The following DTD1 variants were observed in gnomAD, a reference collection of about 807,000 sequenced individuals.
DTD1 encodes the protein D-aminoacyl-tRNA deacylase 1, also known as D-tyrosyl-tRNA deacylase 1 homolog.
Under a neutral mutation model 25.6 loss-of-function variants are expected in DTD1, and 13 were observed. The ratio of observed to expected loss-of-function variants is 0.51; its 90% CI spans 0.33 to 0.81. The LOEUF (loss-of-function observed/expected upper bound fraction) is 0.81, where lower values mean the gene tolerates loss of function less well. Ranked by LOEUF, DTD1 falls within the 30% of genes least tolerant of loss-of-function variation. The probability of loss-of-function intolerance (pLI) is 0.02; values close to 1 mark genes in which losing one functional copy is unlikely to be tolerated. For missense variants in DTD1, 193 were observed against 266.4 expected, an observed-to-expected ratio of 0.72 and a Z score of 1.92; for synonymous variants, 110 against 103.6, an observed-to-expected ratio of 1.06 and a Z score of -0.37.
At chr20:18,675,236 T>C (rs369584374) in intron 4 of DTD1, 1 of 152,220 alleles carries the variant, frequency 6.6e-6, no homozygotes, top group African/African-American at 2.4e-5. Context: ...TGGACTGGTT[T>C]CCCCCAGAGC....
intron 4 of DTD1, among the ~76,000 whole-genome samples, chr20:18,704,723 A>G (rs970133709): frequency 2.0e-5 from 3 of 152,188 alleles, no homozygotes; most frequent in African/African-American, 7.2e-5. Context: ...TTGCTACTCA[A>G]CATCCTAAAA....
At chr20:18,606,930 A>T (rs6136430) in intron 3 of DTD1, among the ~76,000 whole-genome samples, 47,464 of 151,130 alleles carry the variant, frequency 0.31, 8,002 homozygotes, top group Non-Finnish European at 0.38. Flanking sequence ...AGTATAATAA[A>T]AAAAAAAAAG....
chr20:18,687,181 A>G (rs11907863), intron 4 of DTD1, among the ~76,000 whole-genome samples: 1,892 of 152,280 alleles, frequency 0.012, 26 homozygotes, highest in African/African-American at 0.016. Context: ...CCAGGGGGCA[A>G]TCATGCAGAG....
chr20:18,612,900 C>T (rs1057378227), intron 3 of DTD1, among the ~76,000 whole-genome samples: 1 of 152,190 alleles, frequency 6.6e-6, no homozygotes, highest in Non-Finnish European at 1.5e-5. Context: ...CTCAAGTGAT[C>T]TGCACACTTC....
chr20:18,652,888 A>G (rs533729821), intron 4 of DTD1, among the ~76,000 whole-genome samples: 1 of 152,292 alleles, frequency 6.6e-6, no homozygotes, highest in South Asian at 2.1e-4. Flanking sequence ...TGAATTTAGA[A>G]CAGAATGATG....
intron 3 of DTD1, among the ~76,000 whole-genome samples, chr20:18,607,418 C>G (rs1025572593): frequency 1.3e-5 from 2 of 152,124 alleles, no homozygotes; most frequent in African/African-American, 4.8e-5. Flanking sequence ...GTCTAGGCCC[C>G]AAAGTGCTGG....
intron 4 of DTD1, among the ~76,000 whole-genome samples, chr20:18,725,390 G>A (rs2061219531): frequency 6.6e-6 from 1 of 152,206 alleles, no homozygotes; most frequent in Non-Finnish European, 1.5e-5. Context: ...CAAGTCTTGA[G>A]TCGAGTCCCA....
chr20:18,676,860 C>T (rs922655963), intron 4 of DTD1, among the ~76,000 whole-genome samples: 8 of 152,126 alleles, frequency 5.3e-5, no homozygotes, highest in Admixed American at 1.3e-4. Flanking sequence ...GAGTAATTCT[C>T]GTTCGCCCTT....
At chr20:18,759,794 TG>T (rs2061354126) in intron 5 of DTD1, among the ~76,000 whole-genome samples, 1 of 152,228 alleles carries the variant, frequency 6.6e-6, no homozygotes, top group Admixed American at 6.5e-5. Context: ...CTTGCTAGAT[TG>T]GGGAAGTTCT....
intron 2 of DTD1, among the ~76,000 whole-genome samples, chr20:18,594,402 C>G (rs980830027): frequency 6.6e-6 from 1 of 152,138 alleles, no homozygotes; most frequent in African/African-American, 2.4e-5. Flanking sequence ...GATGGGCAAA[C>G]TCGACTATAG....
intron 4 of DTD1, among the ~76,000 whole-genome samples, chr20:18,681,302 A>G (rs11908498): frequency 0.026 from 3,960 of 152,294 alleles, 182 homozygotes; most frequent in African/African-American, 0.091. Flanking sequence ...TTCATTTACA[A>G]TCTGGTTTGC....
intron 4 of DTD1, among the ~76,000 whole-genome samples, chr20:18,687,822 C>A (rs2061023246): frequency 1.3e-5 from 2 of 152,086 alleles, no homozygotes; most frequent in Admixed American, 1.3e-4. Context: ...CTGTGCCTAG[C>A]CAAAATAGGA....
At chr20:18,726,587 G>A (rs939864462) in intron 4 of DTD1, among the ~76,000 whole-genome samples, 1 of 152,130 alleles carries the variant, frequency 6.6e-6, no homozygotes, top group African/African-American at 2.4e-5. Flanking sequence ...TCCTAGAGGT[G>A]TTTCTGAGGG....
chr20:18,687,825 A>G (rs540010977), intron 4 of DTD1, among the ~76,000 whole-genome samples: 1 of 152,312 alleles, frequency 6.6e-6, no homozygotes, highest in Admixed American at 6.5e-5. Flanking sequence ...TGCCTAGCCA[A>G]AATAGGATTT....
chr20:18,649,217 G>A (rs1024180919), intron 4 of DTD1, among the ~76,000 whole-genome samples: 1 of 151,416 alleles, frequency 6.6e-6, no homozygotes, highest in African/African-American at 2.4e-5. Context: ...GGAGCCATGG[G>A]TCGCCTTGTT....
rs1421825255 is a variant in DTD1, at chr20:18,649,246, G to A, written c.477+21013G>A. Among the ~76,000 whole-genome samples, 9 of 149,278 alleles carry A rather than the reference G, an allele frequency of 6.0e-5. No individual in the cohort carries two copies. In the Admixed American group the frequency reaches 6.0e-4, roughly 10 times the overall value. On this transcript the variant is annotated intron_variant, in intron 4 of 5. Coordinates refer to ENST00000377452, the MANE Select transcript of DTD1 (RefSeq NM_080820.6). ...CCTTGTTTGCTTTCTGAGTCAGTAT[G>A]TCCAGGGGAAGTGGTGGCTAACACA...
chr20:18,757,412 CATAG>C (rs1192179437), intron 5 of DTD1, among the ~76,000 whole-genome samples: 1 of 152,142 alleles, frequency 6.6e-6, no homozygotes, highest in Admixed American at 6.5e-5. Flanking sequence ...GTGGGTTTGT[CATAG>C]ATAGCTCTTA....
chr20:18,720,740 C>CAAG (rs2061199406), intron 4 of DTD1, among the ~76,000 whole-genome samples: 2 of 152,114 alleles, frequency 1.3e-5, no homozygotes, highest in African/African-American at 4.8e-5. Flanking sequence ...TGCCTGTAGT[C>CAAG]CCAGCTACTC....
chr20:18,665,056 G>T (rs918932140), intron 4 of DTD1, among the ~76,000 whole-genome samples: 1 of 152,156 alleles, frequency 6.6e-6, no homozygotes, highest in African/African-American at 2.4e-5. Flanking sequence ...ATGTATCTCG[G>T]ACCATTTTAT....
Sources: gnomAD v4.1 joint callset for allele counts (sites outside exome capture counted in the v4.1 genomes callset) on GRCh38, gnomAD v4.1.1 for gene constraint, MANE v1.5 for transcripts, NCBI Gene and HGNC (gene_info 2026-07-23, HGNC 2026-07-21) for gene names.